Variants in KLF17 observed in about 807,000 individuals in gnomAD.
KLF17 encodes Krueppel-like factor 17.
In KLF17, 31 loss-of-function variants were observed where a neutral mutation model predicts 34.2. The observed-to-expected ratio is 0.91, with a 90% CI of 0.68 to 1.22. The LOEUF is 1.22. Ranked by LOEUF, KLF17 falls within the 50% of genes most tolerant of loss-of-function variation. KLF17 has a pLI of 0.00. For missense variants in KLF17, 478 were observed against 505.2 expected, an observed-to-expected ratio of 0.95 and a Z score of 0.52; for synonymous variants, 179 against 186.7, an observed-to-expected ratio of 0.96 and a Z score of 0.34.
the KLF17 span, among the ~76,000 whole-genome samples, chr1:44,046,476 C>T: frequency 1.3e-5 from 2 of 151,822 alleles, no homozygotes; most frequent in South Asian, 2.1e-4. Context: ...CTTCCTTGGC[C>T]TCCCAAAGTA....
At chr1:44,127,708 C>CT (rs1209152903) in intron 1 of KLF17, among the ~76,000 whole-genome samples, 1 of 96,578 alleles carries the variant, frequency 1.0e-5, no homozygotes, top group Non-Finnish European at 2.0e-5. Flanking sequence ...TTCTTTCTTT[C>CT]TTTCTTCTCT....
At chr1:44,061,100 C>T in the KLF17 span, 1 of 152,212 alleles carries the variant, frequency 6.6e-6, no homozygotes, top group Non-Finnish European at 1.5e-5. Flanking sequence ...TGTTTAACCT[C>T]TTAGTAAAGT....
At chr1:44,109,304 A>G in the KLF17 span, among the ~76,000 whole-genome samples, 1 of 152,200 alleles carries the variant, frequency 6.6e-6, no homozygotes, top group Non-Finnish European at 1.5e-5. Context: ...TGTAAATCCA[A>G]TTTTGCCCAA....
the KLF17 span, among the ~76,000 whole-genome samples, chr1:44,057,302 G>T: frequency 1.3e-5 from 2 of 152,172 alleles, no homozygotes; most frequent in Non-Finnish European, 2.9e-5. Flanking sequence ...GGTTCCTGGT[G>T]CTCCATGCTT....
chr1:44,049,189 A>G, the KLF17 span, among the ~76,000 whole-genome samples: 2 of 152,270 alleles, frequency 1.3e-5, no homozygotes, highest in South Asian at 4.1e-4. Flanking sequence ...GTCTCTTCTT[A>G]TAAGGGCACT....
chr1:44,088,658 GC>G, the KLF17 span, among the ~76,000 whole-genome samples: 1 of 152,150 alleles, frequency 6.6e-6, no homozygotes, highest in African/African-American at 2.4e-5. Flanking sequence ...CTCTTCACAT[GC>G]CCTATTTCCA....
At chr1:44,062,031 G>A in the KLF17 span, among the ~76,000 whole-genome samples, 1 of 152,194 alleles carries the variant, frequency 6.6e-6, no homozygotes, top group Non-Finnish European at 1.5e-5. Flanking sequence ...CCACCACACT[G>A]CCACCTCAGT....
At chr1:44,125,756 C>T (rs558428802) in intron 1 of KLF17, among the ~76,000 whole-genome samples, 1 of 152,328 alleles carries the variant, frequency 6.6e-6, no homozygotes, top group Admixed American at 6.5e-5. Context: ...GCATGAGCCA[C>T]CGCACCTGGC....
chr1:44,080,236 C>CTTTTTT, the KLF17 span, among the ~76,000 whole-genome samples: 2 of 94,140 alleles, frequency 2.1e-5, no homozygotes, highest in African/African-American at 8.3e-5. Context: ...CCCTCTGTGT[C>CTTTTTT]TTTTTTTTTT....
At chr1:44,046,155 T>C in the KLF17 span, 1 of 148,550 alleles carries the variant, frequency 6.7e-6, no homozygotes, top group African/African-American at 2.5e-5. Context: ...ATAATAATAA[T>C]AATAATAATA....
the KLF17 span, among the ~76,000 whole-genome samples, chr1:44,099,861 G>GAAAGAAAGAAAGAAAGAAAA: frequency 3.0e-5 from 3 of 100,712 alleles, no homozygotes; most frequent in African/African-American, 1.2e-4. Context: ...AAGAAAGAAA[G>GAAAGAAAGAAAGAAAGAAAA]AAAGAAAGAA....
At chr1:44,058,667 CTTTTTTTTTTTTTTTTTTTTTTT>C in the KLF17 span, among the ~76,000 whole-genome samples, 306 of 65,224 alleles carry the variant, frequency 4.7e-3, 2 homozygotes, top group Non-Finnish European at 6.2e-3. Context: ...ATGGGAGGCC[CTTTTTTTTTTTTTTTTTTTTTTT>C]TTTTTTTTTT....
At chr1:44,068,722 G>T in the KLF17 span, among the ~76,000 whole-genome samples, 5 of 152,206 alleles carry the variant, frequency 3.3e-5, no homozygotes, top group African/African-American at 1.2e-4. Flanking sequence ...ATTCTCCAGG[G>T]TCACAGGCTG....
At chr1:44,095,213 T>TTTA in the KLF17 span, among the ~76,000 whole-genome samples, 3 of 66,958 alleles carry the variant, frequency 4.5e-5, no homozygotes, top group South Asian at 1.6e-3. Context: ...TTTATATCTT[T>TTTA]TTTTTTTTTT....
At chr1:44,059,117 C>T in the KLF17 span, among the ~76,000 whole-genome samples, 23 of 152,236 alleles carry the variant, frequency 1.5e-4, no homozygotes, top group Admixed American at 1.1e-3. Context: ...TTATGAGTTG[C>T]AGCACAAAAG....
At chr1:44,055,042 G>A in the KLF17 span, among the ~76,000 whole-genome samples, 1 of 152,146 alleles carries the variant, frequency 6.6e-6, no homozygotes. Flanking sequence ...GCCTCCCAAA[G>A]TGCTGGGATT....
chr1:44,112,548 G>A, the KLF17 span, among the ~76,000 whole-genome samples: 1 of 152,122 alleles, frequency 6.6e-6, no homozygotes, highest in Non-Finnish European at 1.5e-5. Flanking sequence ...AGGACTACAG[G>A]CACTTGCCAC....
upstream of KLF17, among the ~76,000 whole-genome samples, chr1:44,118,164 C>G (rs2087900847): frequency 6.6e-6 from 1 of 152,182 alleles, no homozygotes; most frequent in African/African-American, 2.4e-5. Context: ...CACTCACCAC[C>G]ACCTAAAATT....
intron 1 of KLF17, among the ~76,000 whole-genome samples, chr1:44,127,747 CTCTTT>C (rs1322020987): frequency 8.1e-6 from 1 of 123,810 alleles, no homozygotes; most frequent in Non-Finnish European, 1.7e-5. Flanking sequence ...TTTCTTTCTT[CTCTTT>C]TCTTTCTTTC....
Sources: gnomAD v4.1 joint callset for allele counts (sites outside exome capture counted in the v4.1 genomes callset) on GRCh38, gnomAD v4.1.1 for gene constraint, MANE v1.5 for transcripts, NCBI Gene and HGNC (gene_info 2026-07-23, HGNC 2026-07-21) for gene names.